The following ENTHD1 variants were observed in gnomAD, a reference collection of about 807,000 sequenced individuals.
ENTHD1 encodes ENTH domain containing 1, also known as ENTH domain-containing protein 1.
A neutral mutation model predicts 39.1 loss-of-function variants in ENTHD1; 23 were observed. The observed-to-expected ratio is 0.59, with a 90% CI of 0.42 to 0.83. The LOEUF (loss-of-function observed/expected upper bound fraction) is 0.83. Ranked by LOEUF, ENTHD1 falls within the 40% of genes least tolerant of loss-of-function variation. ENTHD1 has a pLI of 0.00. For missense variants in ENTHD1, 624 were observed against 705.4 expected (o/e 0.88, Z 1.31); for synonymous variants, 230 against 258.2 (o/e 0.89, Z 1.05).
chr22:39,821,573 T>C (rs2065783406), intron 4 of ENTHD1, among the ~76,000 whole-genome samples: 1 of 152,238 alleles, frequency 6.6e-6, no homozygotes, highest in Non-Finnish European at 1.5e-5. Flanking sequence ...TCTTGTTTCA[T>C]TTATATCCCT....
chr22:39,749,675 C>A (rs2146532429), intron 6 of ENTHD1, among the ~76,000 whole-genome samples: 1 of 152,288 alleles, frequency 6.6e-6, no homozygotes, highest in Admixed American at 6.5e-5. Context: ...AGCTGATATA[C>A]AATGTCTGTC....
intron 6 of ENTHD1, among the ~76,000 whole-genome samples, chr22:39,762,497 G>A (rs1415558025): frequency 2.0e-5 from 3 of 151,810 alleles, no homozygotes; most frequent in African/African-American, 7.3e-5. Context: ...TGTCACCCAG[G>A]CTAAAGCGCA....
intron 3 of ENTHD1, among the ~76,000 whole-genome samples, chr22:39,843,447 CTG>C (rs1467009543): frequency 1.8e-5 from 2 of 113,160 alleles, no homozygotes; most frequent in Admixed American, 1.2e-4. Context: ...ACATCACACT[CTG>C]GGGACTGTTG....
intron 3 of ENTHD1, among the ~76,000 whole-genome samples, chr22:39,847,461 G>A (rs1452235304): frequency 6.6e-6 from 1 of 151,182 alleles, no homozygotes; most frequent in Non-Finnish European, 1.5e-5. Flanking sequence ...CATGGCACAT[G>A]TATACATATG....
chr22:39,808,208 C>T (rs2065659162), intron 5 of ENTHD1, among the ~76,000 whole-genome samples: 1 of 152,192 alleles, frequency 6.6e-6, no homozygotes, highest in Admixed American at 6.5e-5. Context: ...CCATCCCTCT[C>T]ATTCCAGCTT....
intron 1 of ENTHD1, among the ~76,000 whole-genome samples, chr22:39,892,530 G>C (rs1418133762): frequency 6.6e-6 from 1 of 152,152 alleles, no homozygotes; most frequent in Non-Finnish European, 1.5e-5. Flanking sequence ...GTAAATATTT[G>C]GAATAAAGAC....
At chr22:39,819,810 C>T (rs188381221) in intron 5 of ENTHD1, among the ~76,000 whole-genome samples, 5 of 152,172 alleles carry the variant, frequency 3.3e-5, no homozygotes, top group Admixed American at 6.5e-5. Flanking sequence ...AACAGGGGTA[C>T]GTGGGAACTC....
At chr22:39,851,721 A>G (rs750654445) in intron 3 of ENTHD1, among the ~76,000 whole-genome samples, 1 of 152,098 alleles carries the variant, frequency 6.6e-6, no homozygotes, top group Non-Finnish European at 1.5e-5. Context: ...AAGCAACTCA[A>G]CCCCTACAGT....
In ENTHD1 at chr22:39,867,354, G is replaced by A. The variant is rs189652934; in HGVS notation, c.350-5347C>T. Among the ~76,000 whole-genome samples the A allele has an allele frequency of 4.0e-5, 6 of 151,706 alleles. No homozygotes were observed. The highest frequency in any genetic ancestry group is 7.3e-5 in the African/African-American group (3 of 41,374). ...AACACGTGCTAGGCTTCAAACAATCGTAAAAATCTTAATACTCCTGTCTCT... is the reference window on the plus strand; with the variant it reads ...AACACGTGCTAGGCTTCAAACAATCATAAAAATCTTAATACTCCTGTCTCT... On this transcript the variant is annotated intron_variant, in intron 2 of 6. Coordinates refer to ENST00000325157, the MANE Select transcript of ENTHD1 (RefSeq NM_152512.4). The surrounding 1 kb of genome is among the most constrained non-coding windows in gnomAD (Gnocchi z 4.5).
At chr22:39,849,362 G>A (rs946877458) in intron 3 of ENTHD1, among the ~76,000 whole-genome samples, 8 of 152,148 alleles carry the variant, frequency 5.3e-5, no homozygotes, top group Non-Finnish European at 1.2e-4. Flanking sequence ...AGGGATGTTT[G>A]CTAATAGCAT....
chr22:39,793,330 G>A (rs992924931), intron 5 of ENTHD1, among the ~76,000 whole-genome samples: 3 of 145,604 alleles, frequency 2.1e-5, no homozygotes, highest in African/African-American at 7.7e-5. Flanking sequence ...TTTTTAATGG[G>A]ATTATTAGTT....
chr22:39,867,148 C>A lies in ENTHD1; in HGVS notation c.350-5141G>T, dbSNP rs1052838984. On this transcript the variant is annotated intron_variant, in intron 2 of 6. Transcript: ENST00000325157. The surrounding 1 kb of genome is among the most constrained non-coding windows in gnomAD (Gnocchi z 4.5). ...TTGATCTCCTGACCTCACGATCCAC[C>A]CACCTCAGCCTCCCAAAGTGCTGGG... Among the ~76,000 whole-genome samples, 116 of 152,154 alleles carry A rather than the reference C, an allele frequency of 7.6e-4. No individual in the cohort carries two copies. Among genetic ancestry groups the A allele is most frequent in the African/African-American group, 2.7e-3 (113 of 41,446 alleles).
intron 2 of ENTHD1, among the ~76,000 whole-genome samples, chr22:39,877,605 T>C (rs2066302103): frequency 6.6e-6 from 1 of 152,116 alleles, no homozygotes; most frequent in Non-Finnish European, 1.5e-5. Flanking sequence ...CTTCAGGGCC[T>C]CCCTCACTTT....
At chr22:39,745,254 T>C (rs1038767706) in intron 6 of ENTHD1, among the ~76,000 whole-genome samples, 3 of 152,234 alleles carry the variant, frequency 2.0e-5, no homozygotes, top group Non-Finnish European at 4.4e-5. Context: ...TGATACAAAT[T>C]GGTGGAATCC....
At chr22:39,755,294 G>A (rs763704320) in intron 6 of ENTHD1, among the ~76,000 whole-genome samples, 6 of 152,124 alleles carry the variant, frequency 3.9e-5, no homozygotes, top group Non-Finnish European at 5.9e-5. Context: ...AGTGATATTC[G>A]AGCTGACCTC....
chr22:39,835,291 T>G (rs1017275785), intron 4 of ENTHD1, among the ~76,000 whole-genome samples: 26 of 152,142 alleles, frequency 1.7e-4, no homozygotes, highest in African/African-American at 6.3e-4. Flanking sequence ...TGCAACTTCC[T>G]GTGAGTATAC....
In ENTHD1 at chr22:39,748,917, A is replaced by G. The variant is rs1258349690; in HGVS notation, c.1220-4634T>C. On this transcript the variant is annotated intron_variant, in intron 6 of 6. Coordinates refer to ENST00000325157, the MANE Select transcript of ENTHD1 (RefSeq NM_152512.4). ...AATCAGAAACTTGGGGGTTGGGCCC[A>G]GAAAACTAAGTTGTAACAAGCTGCC... is the stretch of plus-strand genomic sequence containing the variant. 1.2e-4 allele frequency among the ~76,000 whole-genome samples: 18 copies of G among 152,294 alleles called. No homozygotes were observed. The East Asian group carries it at 2.7e-3, about 23-fold the overall frequency.
At chr22:39,791,373 G>A (rs980921705) in intron 5 of ENTHD1, among the ~76,000 whole-genome samples, 1 of 150,294 alleles carries the variant, frequency 6.7e-6, no homozygotes, top group Non-Finnish European at 1.5e-5. Flanking sequence ...ATATATTAAA[G>A]ATTAGACTTC....
At chr22:39,791,704 T>C (rs2065505833) in intron 5 of ENTHD1, among the ~76,000 whole-genome samples, 1 of 152,206 alleles carries the variant, frequency 6.6e-6, no homozygotes, top group South Asian at 2.1e-4. Flanking sequence ...GGCCTAACAT[T>C]ATAATTAAAT....
Sources: gnomAD v4.1 joint callset for allele counts (sites outside exome capture counted in the v4.1 genomes callset) on GRCh38, gnomAD v4.1.1 for gene constraint, Gnocchi (gnomAD v3.1) non-coding constraint, MANE v1.5 for transcripts, NCBI Gene and HGNC (gene_info 2026-07-23, HGNC 2026-07-21) for gene names.